SIMC1: variants seen among roughly 807,000 people sequenced by gnomAD.
SIMC1 encodes the protein SUMO interacting motifs containing 1.
In SIMC1, 55 loss-of-function variants were observed where a neutral mutation model predicts 82.3. The observed-to-expected ratio is 0.67, with a 90% CI of 0.54 to 0.84. The LOEUF is 0.84. Ranked by LOEUF, SIMC1 falls within the 40% of genes least tolerant of loss-of-function variation. SIMC1 has a pLI of 0.00. For synonymous variants in SIMC1, 353 were observed against 426.3 expected (o/e 0.83, Z 2.12); for missense variants, 915 against 1,107.2 (o/e 0.83, Z 2.46).
At chr5:176,324,425 C>T (rs1765288829) in intron 6 of SIMC1, among the ~76,000 whole-genome samples, 1 of 152,234 alleles carries the variant, frequency 6.6e-6, no homozygotes, top group East Asian at 1.9e-4. Flanking sequence ...ATAGTATGTT[C>T]TGGCAAAAGG....
intron 1 of SIMC1, among the ~76,000 whole-genome samples, chr5:176,263,960 C>G (rs1053781719): frequency 9.2e-5 from 14 of 152,130 alleles, no homozygotes; most frequent in African/African-American, 3.4e-4. Context: ...AAAAAATGGC[C>G]AAAAGAAAGC....
chr5:176,301,216 C>T (rs770108375), intron 4 of SIMC1, among the ~76,000 whole-genome samples: 8 of 152,148 alleles, frequency 5.3e-5, no homozygotes, highest in Non-Finnish European at 8.8e-5. Flanking sequence ...ATCATTGGGG[C>T]GGGTTTTCCT....
chr5:176,345,056 C>T (rs1171887705), intron 9 of SIMC1, 127 bp from the exon 10 acceptor site: 16 of 1,251,440 alleles, frequency 1.3e-5, no homozygotes, highest in Non-Finnish European at 1.7e-5. Context: ...ACTCACACAG[C>T]CTTCGACTTG....
intron 1 of SIMC1, among the ~76,000 whole-genome samples, chr5:176,242,848 A>G (rs1761317334): frequency 1.3e-5 from 2 of 152,054 alleles, no homozygotes; most frequent in Non-Finnish European, 2.9e-5. Flanking sequence ...CCCTGCCGTC[A>G]TGGAGATTTC....
intron 9 of SIMC1, among the ~76,000 whole-genome samples, chr5:176,344,925 G>A (rs1766363676): frequency 6.6e-6 from 1 of 152,024 alleles, no homozygotes; most frequent in Non-Finnish European, 1.5e-5. Flanking sequence ...TTTTGACCAT[G>A]TTATGTGATC....
chr5:176,258,701 G>T (rs1247606098), intron 1 of SIMC1, among the ~76,000 whole-genome samples: 2 of 147,938 alleles, frequency 1.4e-5, no homozygotes. Flanking sequence ...CAGCTGTATG[G>T]AGCTGCCATA....
intron 4 of SIMC1, among the ~76,000 whole-genome samples, chr5:176,299,717 A>C (rs574256102): frequency 4.7e-4 from 71 of 152,330 alleles, no homozygotes; most frequent in African/African-American, 1.6e-3. Context: ...ATAATGGAGA[A>C]AATAACCAGA....
intron 7 of SIMC1, among the ~76,000 whole-genome samples, chr5:176,336,345 A>G (rs1175961756): frequency 6.6e-6 from 1 of 152,090 alleles, no homozygotes; most frequent in Admixed American, 6.5e-5. Context: ...CTGTTCAACT[A>G]TCAGCTTTTT....
At chr5:176,248,038 T>C (rs1761508015) in intron 1 of SIMC1, among the ~76,000 whole-genome samples, 1 of 151,890 alleles carries the variant, frequency 6.6e-6, no homozygotes, top group South Asian at 2.1e-4. Context: ...ACTCAGGTAG[T>C]GTGATGCCTC....
rs1764528760 is a variant in SIMC1, at chr5:176,308,584, A to C, written c.1735-5107A>C. The C allele has an allele frequency of 3.1e-6, 5 of 1,587,730 alleles. No homozygotes were observed. The South Asian group carries it at 4.4e-5, about 14-fold the overall frequency. ...GGCCGGGTACTCTACACTTGCTTCCAATCCATACAGGCCCAAAAGAGTTCA... is the reference window on the plus strand; with the variant it reads ...GGCCGGGTACTCTACACTTGCTTCCCATCCATACAGGCCCAAAAGAGTTCA... On this transcript the variant is annotated intron_variant, in intron 4 of 9. Coordinates refer to ENST00000429602, the MANE Select transcript of SIMC1 (RefSeq NM_001308195.2).
chr5:176,296,593 T>C, intron 4 of SIMC1: 2 of 462,862 alleles, frequency 4.3e-6, no homozygotes, highest in South Asian at 4.4e-5. Context: ...TGCTTGAGCC[T>C]AGGAGGTCAA....
At chr5:176,255,042 C>T (rs1282404262) in intron 1 of SIMC1, among the ~76,000 whole-genome samples, 38 of 148,168 alleles carry the variant, frequency 2.6e-4, no homozygotes, top group African/African-American at 7.7e-4. Flanking sequence ...TTTGGGAGGC[C>T]GAGGTGAGCA....
intron 7 of SIMC1, among the ~76,000 whole-genome samples, chr5:176,335,524 C>T (rs980304661): frequency 2.0e-5 from 3 of 151,440 alleles, no homozygotes; most frequent in African/African-American, 7.3e-5. Context: ...GCAGTCCACC[C>T]GCCTCGGCCT....
At chr5:176,317,235 C>T (rs1764954225) in intron 5 of SIMC1, among the ~76,000 whole-genome samples, 1 of 152,132 alleles carries the variant, frequency 6.6e-6, no homozygotes, top group Non-Finnish European at 1.5e-5. Context: ...AATTATACCT[C>T]AAAGAGGTAT....
chr5:176,305,952 C>A (rs1764348004), intron 4 of SIMC1, among the ~76,000 whole-genome samples: 1 of 78,226 alleles, frequency 1.3e-5, no homozygotes, highest in Non-Finnish European at 2.7e-5. Flanking sequence ...AGCCCCTCTG[C>A]CCGGCCAGCC....
At chr5:176,300,491 T>TG (rs397950688) in intron 4 of SIMC1, among the ~76,000 whole-genome samples, 2 of 148,614 alleles carry the variant, frequency 1.3e-5, no homozygotes, top group African/African-American at 4.9e-5. Flanking sequence ...GCTAATTTTT[T>TG]ATTATTTTTT....
intron 1 of SIMC1, among the ~76,000 whole-genome samples, chr5:176,241,602 A>C (rs1369664656): frequency 6.6e-6 from 1 of 151,574 alleles, no homozygotes; most frequent in Non-Finnish European, 1.5e-5. Flanking sequence ...AGGGTTGCTA[A>C]CCCCCCCGTG....
At chr5:176,330,769 A>G (rs1159366185) in intron 7 of SIMC1, among the ~76,000 whole-genome samples, 1 of 152,232 alleles carries the variant, frequency 6.6e-6, no homozygotes, top group Non-Finnish European at 1.5e-5. Context: ...GGCAACCATC[A>G]TAATATTCAG....
intron 1 of SIMC1, among the ~76,000 whole-genome samples, chr5:176,247,857 G>A (rs938643145): frequency 3.2e-4 from 48 of 151,768 alleles, no homozygotes; most frequent in African/African-American, 1.1e-3. Context: ...CATTTATTAA[G>A]TAGGGAATTC....
Sources: allele counts gnomAD v4.1 joint callset (sites outside exome capture counted in the v4.1 genomes callset), GRCh38; gene constraint gnomAD v4.1.1; transcripts MANE v1.5; gene names NCBI Gene and HGNC (gene_info 2026-07-23, HGNC 2026-07-21).